Variants in CHD1 observed in about 807,000 individuals in gnomAD.
CHD1 encodes ATP-dependent chromatin remodeler CHD1.
Under a neutral mutation model 224.2 loss-of-function variants are expected in CHD1, and 36 were observed. The ratio of observed to expected loss-of-function variants is 0.16; its 90% CI spans 0.12 to 0.21. The LOEUF is 0.21. Among genes scored for constraint, CHD1 ranks in the 10% least tolerant of loss-of-function variants. The pLI is 1.00. For synonymous variants in CHD1, 668 were observed against 658.3 expected (o/e 1.01, Z -0.23); for missense variants, 1,378 against 1,994.8 (o/e 0.69, Z 5.89).
Position 98,885,636 on chromosome 5 carries a change from G to T in CHD1, c.2510C>A (p.Ser837Ter). 1 of 1,592,020 alleles carries T rather than the reference G, an allele frequency of 6.3e-7. No homozygotes were observed. Among genetic ancestry groups the T allele is most frequent in the South Asian group, 1.1e-5 (1 of 89,906 alleles). The change falls in exon 18 of 36, where the codon TCA (serine) becomes TAA (stop). Residue 837 changes from serine (S) to a stop codon, truncating the protein, a stop_gained. Coordinates refer to ENST00000614616, the MANE Select transcript of CHD1 (RefSeq NM_001270.4). LOFTEE classifies it high-confidence loss of function. ...RQFPFQRLDGSIKGELRKQAL... is the reference protein window; with the variant it reads ...RQFPFQRLDG ...TTGTTTCCTCAGTTCTCCTTTTATT[G>T]ATCCATCTAATCTCTAGAAAAAAAC...
intron 2 of CHD1, among the ~76,000 whole-genome samples, chr5:98,911,403 G>A (rs967800698): frequency 1.1e-4 from 16 of 152,032 alleles, no homozygotes; most frequent in Non-Finnish European, 8.8e-5. Flanking sequence ...ATTAGTCTTA[G>A]AAAACCATAA....
At chr5:98,923,959 A>C (rs899240458) in intron 2 of CHD1, among the ~76,000 whole-genome samples, 1 of 152,160 alleles carries the variant, frequency 6.6e-6, no homozygotes, top group Non-Finnish European at 1.5e-5. Context: ...TCCAACTATG[A>C]ATAAGAAAAT....
chr5:98,868,457 A>C lies in CHD1; in HGVS notation c.4248+38T>G, dbSNP rs373027854. 1.7e-5 allele frequency: 26 copies of C among 1,542,734 alleles called. No homozygotes were observed. The African/African-American group carries it at 3.5e-4, about 21-fold the overall frequency. On this transcript the variant is annotated intron_variant, in intron 31 of 35. Coordinates refer to ENST00000614616, the MANE Select transcript of CHD1 (RefSeq NM_001270.4). ...TGACAAACTTCAACTTAAATGTTTT[A>C]TGAGTTAATACTAATAATCAGAAAG...
chr5:98,907,685 T>C (rs1752137982), intron 2 of CHD1, among the ~76,000 whole-genome samples: 1 of 151,012 alleles, frequency 6.6e-6, no homozygotes, highest in Admixed American at 6.6e-5. Context: ...AGATACCAAA[T>C]GTTTATAGAA....
Position 98,863,423 on chromosome 5 carries a change from A to G in CHD1, c.4412T>C (p.Ile1471Thr). 1 of 1,551,802 alleles carries G rather than the reference A, an allele frequency of 6.4e-7. No homozygotes were observed. The highest frequency in any genetic ancestry group is 1.2e-5 in the South Asian group (1 of 80,732). The change falls in exon 32 of 36, where the codon ATT (isoleucine) becomes ACT (threonine). Residue 1471 changes from isoleucine to threonine, a missense_variant. Coordinates refer to ENST00000614616, the MANE Select transcript of CHD1 (RefSeq NM_001270.4). The part of the protein sequence containing the change: ...CLKEYTNPEQ[I>T]KQWRKNLWIF... ...TATCACTTACTTTCTCCATTGCTTAATTTGTTCAGGATTTGTATACTCTTT... is the reference window on the plus strand; with the variant it reads ...TATCACTTACTTTCTCCATTGCTTAGTTTGTTCAGGATTTGTATACTCTTT...
chr5:98,869,067 CTCT>C (rs1749120716), intron 30 of CHD1: 1 of 905,350 alleles, frequency 1.1e-6, no homozygotes, highest in Non-Finnish European at 1.3e-6. Context: ...ACTTTGTTTT[CTCT>C]TTTTTCTTTA....
chr5:98,897,170 T>C (rs1183473089), intron 11 of CHD1, 23 bp downstream of exon 11: 8 of 1,600,600 alleles, frequency 5.0e-6, no homozygotes, highest in Non-Finnish European at 6.8e-6. Flanking sequence ...TCAAATTAAA[T>C]AGATGATTCA....
At chr5:98,897,522 G>C (rs1172168518) in intron 10 of CHD1, among the ~76,000 whole-genome samples, 2 of 151,934 alleles carry the variant, frequency 1.3e-5, no homozygotes, top group African/African-American at 4.8e-5. Context: ...GAAATATTTT[G>C]CCTTCTTTTT....
At chr5:98,862,668 G>C (rs1286550368) in intron 32 of CHD1, among the ~76,000 whole-genome samples, 1 of 152,132 alleles carries the variant, frequency 6.6e-6, no homozygotes, top group African/African-American at 2.4e-5. Flanking sequence ...AAGCAGAAAA[G>C]GTAGACATTC....
chr5:98,916,136 G>A (rs938015821), intron 2 of CHD1, among the ~76,000 whole-genome samples: 1 of 152,026 alleles, frequency 6.6e-6, no homozygotes, highest in Non-Finnish European at 1.5e-5. Context: ...AAGTTCCAGT[G>A]AGCCAAGACT....
chr5:98,917,687 T>G (rs1433112658), intron 2 of CHD1, among the ~76,000 whole-genome samples: 1 of 152,232 alleles, frequency 6.6e-6, no homozygotes, highest in East Asian at 1.9e-4. Flanking sequence ...AGACACTGAA[T>G]TCCAGAAGTC....
At chr5:98,870,604 T>C (rs923821493) in intron 29 of CHD1, 83 bp downstream of exon 29, 3 of 662,866 alleles carry the variant, frequency 4.5e-6, no homozygotes, top group Admixed American at 2.7e-5. Context: ...TCATATTGAC[T>C]TCAGATGTTT....
At chr5:98,882,527 A>G (rs934834402) in intron 19 of CHD1, among the ~76,000 whole-genome samples, 5 of 152,150 alleles carry the variant, frequency 3.3e-5, no homozygotes, top group African/African-American at 9.7e-5. Flanking sequence ...CCCCAAGTTA[A>G]TAAGAAACCC....
In CHD1 at chr5:98,920,588, A is replaced by G. The variant is rs2112643978; in HGVS notation, c.53+5746T>C. ...AAGGTGGGTGGATTACCTGAGGTCA[A>G]GAGTTCAAGATCAGCCTGACCAACA... On this transcript the variant is annotated intron_variant, in intron 2 of 35. Coordinates refer to ENST00000614616, the MANE Select transcript of CHD1 (RefSeq NM_001270.4). Among the ~76,000 whole-genome samples, 3 of 152,276 alleles carry G rather than the reference A, an allele frequency of 2.0e-5. No homozygotes were observed. In the South Asian group the frequency reaches 6.2e-4, roughly 32 times the overall value.
At chr5:98,887,157 G>A (rs906398323) in intron 17 of CHD1, among the ~76,000 whole-genome samples, 10 of 152,086 alleles carry the variant, frequency 6.6e-5, no homozygotes, top group Non-Finnish European at 8.8e-5. Context: ...TGGGAATTAC[G>A]TATCAATAAA....
intron 35 of CHD1, among the ~76,000 whole-genome samples, chr5:98,857,258 CAT>C (rs1394510977): frequency 4.2e-4 from 64 of 152,078 alleles, no homozygotes; most frequent in East Asian, 1.2e-3. Flanking sequence ...TCCATACAAA[CAT>C]GTGACAGCTT....
At chr5:98,887,215 T>A (rs1480790416) in intron 17 of CHD1, among the ~76,000 whole-genome samples, 1 of 152,164 alleles carries the variant, frequency 6.6e-6, no homozygotes, top group Non-Finnish European at 1.5e-5. Flanking sequence ...CGTTTTCCCC[T>A]AAATGACTGC....
intron 15 of CHD1, among the ~76,000 whole-genome samples, chr5:98,890,054 G>T (rs1385117049): frequency 2.6e-5 from 4 of 152,134 alleles, no homozygotes; most frequent in Non-Finnish European, 5.9e-5. Context: ...CTACTAGAGG[G>T]GGGAAGGAGG....
At chr5:98,902,163 T>C (rs1751760892) in intron 5 of CHD1, among the ~76,000 whole-genome samples, 1 of 151,952 alleles carries the variant, frequency 6.6e-6, no homozygotes, top group African/African-American at 2.4e-5. Context: ...GATGATCCAA[T>C]ATACATCTAT....
Sources: gnomAD v4.1 joint callset for allele counts (sites outside exome capture counted in the v4.1 genomes callset) on GRCh38, gnomAD v4.1.1 for gene constraint, MANE v1.5 for transcripts, NCBI Gene and HGNC (gene_info 2026-07-23, HGNC 2026-07-21) for gene names.